Variants in TRPC4AP observed in about 807,000 individuals in gnomAD.
TRPC4AP encodes the protein transient receptor potential cation channel subfamily C member 4 associated protein.
TRPC4AP carries 45 observed loss-of-function variants against 99.0 expected under a neutral mutation model. The observed-to-expected ratio is 0.45, with a 90% CI of 0.36 to 0.58. The LOEUF (loss-of-function observed/expected upper bound fraction) is 0.58, where lower values mean the gene tolerates loss of function less well. TRPC4AP is among the 20% of genes least tolerant of loss of function. TRPC4AP has a pLI of 0.00. For missense variants in TRPC4AP, 879 were observed against 985.3 expected (o/e 0.89, Z 1.44); for synonymous variants, 408 against 385.8 (o/e 1.06, Z -0.67).
chr20:35,005,380 G>A (rs1414680065), intron 16 of TRPC4AP, among the ~76,000 whole-genome samples: 2 of 152,204 alleles, frequency 1.3e-5, no homozygotes, highest in African/African-American at 4.8e-5. Flanking sequence ...TGCACCACAG[G>A]GCACCTGCGA....
intron 2 of TRPC4AP, among the ~76,000 whole-genome samples, chr20:35,073,303 C>T (rs1030884485): frequency 2.6e-5 from 4 of 152,268 alleles, no homozygotes; most frequent in Middle Eastern, 3.4e-3. Flanking sequence ...CCAAAACTTC[C>T]GACACTATGT....
intron 2 of TRPC4AP, among the ~76,000 whole-genome samples, chr20:35,075,562 C>T (rs1366852562): frequency 6.6e-6 from 1 of 152,192 alleles, no homozygotes; most frequent in East Asian, 1.9e-4. Flanking sequence ...AAATTCTTTT[C>T]TTTAAGAATG....
chr20:35,007,715 G>T, intron 13 of TRPC4AP, 75 bp from the exon 14 acceptor site: 1 of 1,489,630 alleles, frequency 6.7e-7, no homozygotes, highest in Non-Finnish European at 9.4e-7. Context: ...AAGGGGTTGG[G>T]AGATGTTTGT....
At chr20:35,059,950 A>C (rs2083952597) in intron 3 of TRPC4AP, among the ~76,000 whole-genome samples, 1 of 152,108 alleles carries the variant, frequency 6.6e-6, no homozygotes, top group Non-Finnish European at 1.5e-5. Context: ...AAGAAGAAAA[A>C]ACAGAACATC....
chr20:35,086,521 ATATATGTGTGTGTGTGTGTGTGTG>A (rs1569157896), intron 1 of TRPC4AP, among the ~76,000 whole-genome samples: 1 of 61,840 alleles, frequency 1.6e-5, no homozygotes, highest in African/African-American at 6.8e-5. Flanking sequence ...GTGTGTGTGT[ATATATGTGTGTGTGTGTGTGTGTG>A]TGTGTGTGTG....
chr20:35,044,835 G>A, intron 6 of TRPC4AP, 123 bp from the exon 7 acceptor site: 1 of 860,586 alleles, frequency 1.2e-6, no homozygotes, highest in African/African-American at 1.7e-5. Flanking sequence ...TCCTATCCCA[G>A]CTCTGTAACT....
At chr20:35,004,316 T>A in intron 17 of TRPC4AP, 142 bp downstream of exon 17, 1 of 705,742 alleles carries the variant, frequency 1.4e-6, no homozygotes, top group Non-Finnish European at 2.4e-6. Flanking sequence ...GGACACTGAT[T>A]CCTCCTGAGC....
At chr20:35,054,365 C>T (rs6120814) in intron 5 of TRPC4AP, among the ~76,000 whole-genome samples, 3 of 152,160 alleles carry the variant, frequency 2.0e-5, no homozygotes, top group Non-Finnish European at 4.4e-5. Flanking sequence ...GTTTTCACAT[C>T]TACTATCTCA....
chr20:35,020,154 C>T (rs2082852219), intron 9 of TRPC4AP, among the ~76,000 whole-genome samples: 1 of 152,202 alleles, frequency 6.6e-6, no homozygotes, highest in African/African-American at 2.4e-5. Flanking sequence ...CACCTCCCAC[C>T]AGTCCCACCA....
intron 4 of TRPC4AP, among the ~76,000 whole-genome samples, chr20:35,055,850 A>T (rs569116506): frequency 6.6e-6 from 1 of 152,350 alleles, no homozygotes; most frequent in South Asian, 2.1e-4. Flanking sequence ...TAATTCTTAT[A>T]AAGAAACTAC....
chr20:35,065,362 T>C (rs1367669741), intron 3 of TRPC4AP, among the ~76,000 whole-genome samples: 1 of 152,224 alleles, frequency 6.6e-6, no homozygotes, highest in Admixed American at 6.5e-5. Context: ...GAGCTTGCTC[T>C]GGGTCTGCTT....
At chr20:35,022,514 A>G (rs2082916132) in intron 8 of TRPC4AP, among the ~76,000 whole-genome samples, 1 of 152,168 alleles carries the variant, frequency 6.6e-6, no homozygotes, top group South Asian at 2.1e-4. Flanking sequence ...AGGTGATCTT[A>G]GCAGAGTGAC....
intron 2 of TRPC4AP, among the ~76,000 whole-genome samples, chr20:35,071,260 G>GT (rs2084306980): frequency 6.6e-6 from 1 of 151,840 alleles, no homozygotes; most frequent in Non-Finnish European, 1.5e-5. Context: ...AACTTACATG[G>GT]TTTTTATTTA....
intron 5 of TRPC4AP, among the ~76,000 whole-genome samples, chr20:35,053,621 C>T (rs547171622): frequency 2.0e-5 from 3 of 152,110 alleles, no homozygotes; most frequent in Non-Finnish European, 4.4e-5. Flanking sequence ...GGTGGCCAGG[C>T]CAAACTAAGA....
chr20:35,004,638 G>C (rs916386765), intron 16 of TRPC4AP, 68 bp from the exon 17 acceptor site: 1 of 1,348,056 alleles, frequency 7.4e-7, no homozygotes, highest in East Asian at 2.4e-5. Context: ...CAGGCCTTTC[G>C]TGGAGCCCCG....
At chr20:35,029,602 C>T in intron 8 of TRPC4AP, among the ~76,000 whole-genome samples, 1 of 111,734 alleles carries the variant, frequency 8.9e-6, no homozygotes, top group Admixed American at 8.9e-5. Context: ...TCAATTATTT[C>T]TTTACTATAT....
At chr20:35,063,228 T>G (rs891252115) in intron 3 of TRPC4AP, among the ~76,000 whole-genome samples, 22 of 152,334 alleles carry the variant, frequency 1.4e-4, no homozygotes, top group Non-Finnish European at 3.1e-4. Flanking sequence ...CTGCCATGAT[T>G]GTGAGTTTCC....
At chr20:35,062,387 CATAGCA>C (rs1351555407) in intron 3 of TRPC4AP, among the ~76,000 whole-genome samples, 1 of 152,200 alleles carries the variant, frequency 6.6e-6, no homozygotes, top group African/African-American at 2.4e-5. Context: ...CATTATTAAT[CATAGCA>C]GATTACTAAT....
chr20:35,071,371 C>T (rs867670293), intron 2 of TRPC4AP, among the ~76,000 whole-genome samples: 4 of 151,862 alleles, frequency 2.6e-5, no homozygotes, highest in Admixed American at 6.6e-5. Flanking sequence ...CATGTTGGTG[C>T]GCTGTACCCA....
Sources: gnomAD v4.1 joint callset for allele counts (sites outside exome capture counted in the v4.1 genomes callset) on GRCh38, gnomAD v4.1.1 for gene constraint, MANE v1.5 for transcripts, NCBI Gene and HGNC (gene_info 2026-07-23, HGNC 2026-07-21) for gene names.